CACHD1: variants seen among roughly 807,000 people sequenced by gnomAD.
The protein encoded by CACHD1 is VWFA and cache domain-containing protein 1.
CACHD1 carries 71 observed loss-of-function variants against 138.7 expected under a neutral mutation model. That is an observed-to-expected ratio of 0.51 (90% confidence interval 0.42 to 0.62). The LOEUF is 0.62. CACHD1 is among the 20% of genes least tolerant of loss of function. The pLI, the probability that CACHD1 is intolerant of heterozygous loss-of-function variation, is 0.00. For synonymous variants in CACHD1, 578 were observed against 591.5 expected (o/e 0.98, Z 0.33); for missense variants, 1,389 against 1,625.3 (o/e 0.85, Z 2.50).
chr1:64,592,594 T>C (rs1570398172), intron 3 of CACHD1, among the ~76,000 whole-genome samples: 1 of 152,182 alleles, frequency 6.6e-6, no homozygotes, highest in Non-Finnish European at 1.5e-5. Flanking sequence ...AGTGTCCATA[T>C]AGCAATTGAG....
intron 16 of CACHD1, among the ~76,000 whole-genome samples, chr1:64,670,348 A>G (rs1649773674): frequency 6.6e-6 from 1 of 152,180 alleles, no homozygotes; most frequent in African/African-American, 2.4e-5. Flanking sequence ...TAATTTCCCC[A>G]AGCTTTAGTT....
At chr1:64,482,414 C>T (rs533566369) in intron 1 of CACHD1, among the ~76,000 whole-genome samples, 6 of 152,316 alleles carry the variant, frequency 3.9e-5, no homozygotes, top group Non-Finnish European at 8.8e-5. Context: ...CATAACTTTG[C>T]TTGGTGGTGC....
chr1:64,632,748 C>G lies in CACHD1; in HGVS notation c.789+5C>G. ...GCCATCGATGAACATGACAAGGTGA[C>G]CATGACCCTTGTGACCCCTATGGCA... On this transcript the variant is annotated splice_donor_5th_base_variant and intron_variant, in intron 6 of 26. Coordinates refer to ENST00000651257, the MANE Select transcript of CACHD1 (RefSeq NM_020925.4). 2 of 1,614,018 alleles carry G rather than the reference C, an allele frequency of 1.2e-6. No homozygotes were observed. Among genetic ancestry groups the G allele is most frequent in the Non-Finnish European group, 1.7e-6 (2 of 1,179,948 alleles).
rs72673394 is a variant in CACHD1 at position 64,691,437 on chromosome 1, C to G, written c.3701C>G (p.Pro1234Arg). 4,839 of 1,614,058 alleles carry G rather than the reference C, an allele frequency of 3.0e-3. 10 individuals are homozygous for G. Among genetic ancestry groups the G allele is most frequent in the Non-Finnish European group, 3.6e-3 (4,298 of 1,180,014 alleles). ...NHDEDLDLDT[P>R]PQTAALLSHK... ...GATGAGGACTTAGACCTGGATACCCCCCCTCAGACTGCTGCCCTACTAAGT... is the reference window on the plus strand; with the variant it reads ...GATGAGGACTTAGACCTGGATACCCGCCCTCAGACTGCTGCCCTACTAAGT... The change falls in exon 27 of 27, where the codon CCC (proline) becomes CGC (arginine). Residue 1234 changes from proline (P) to arginine (R), a missense_variant. Pro to Arg is a moderately radical substitution (Grantham distance 103). Transcript: ENST00000651257.
chr1:64,639,411 A>T (rs1383303066), intron 7 of CACHD1, among the ~76,000 whole-genome samples: 2 of 152,234 alleles, frequency 1.3e-5, no homozygotes, highest in Non-Finnish European at 2.9e-5. Context: ...TAAGACAAGA[A>T]TATTCCTAAA....
At chr1:64,640,786 G>A (rs1648686128) in intron 7 of CACHD1, among the ~76,000 whole-genome samples, 1 of 150,256 alleles carries the variant, frequency 6.7e-6, no homozygotes, top group South Asian at 2.1e-4. Context: ...AAGAATTACA[G>A]ATTAGGAAGA....
At chr1:64,494,489 C>A (rs1165230020) in intron 1 of CACHD1, among the ~76,000 whole-genome samples, 4 of 152,212 alleles carry the variant, frequency 2.6e-5, no homozygotes, top group Non-Finnish European at 5.9e-5. Flanking sequence ...AGCTCCCCAA[C>A]AACATCCCAA....
At chr1:64,483,956 G>A (rs1015514793) in intron 1 of CACHD1, among the ~76,000 whole-genome samples, 10 of 151,028 alleles carry the variant, frequency 6.6e-5, no homozygotes, top group Non-Finnish European at 1.3e-4. Context: ...TCTTGCTTGG[G>A]AACAGCAAGA....
At chr1:64,588,282 C>T (rs868156371) in intron 3 of CACHD1, among the ~76,000 whole-genome samples, 1 of 152,132 alleles carries the variant, frequency 6.6e-6, no homozygotes, top group Non-Finnish European at 1.5e-5. Context: ...GAATATAACT[C>T]CTTTAGGCAT....
intron 16 of CACHD1, among the ~76,000 whole-genome samples, 166 bp from the exon 17 acceptor site, chr1:64,671,398 G>A (rs1649812028): frequency 6.6e-6 from 1 of 152,080 alleles, no homozygotes; most frequent in South Asian, 2.1e-4. Context: ...AAATTTCCAT[G>A]TTGTGTTAAA....
At position 64,677,888 on chromosome 1, in the gene CACHD1, T is replaced by C. The variant is rs1650048760; in HGVS notation, c.3093-271T>C. ...TTCTGTTTGGTCTTGTAAGATGATT[T>C]TGAATAGCCCCATGATGTGTGGATG... On this transcript the variant is annotated intron_variant, in intron 22 of 26. Transcript: ENST00000651257. Among the ~76,000 whole-genome samples, 3 of 152,186 alleles carry C rather than the reference T, an allele frequency of 2.0e-5. No individual in the cohort carries two copies. In the South Asian group the frequency reaches 6.2e-4, roughly 32 times the overall value.
intron 2 of CACHD1, among the ~76,000 whole-genome samples, chr1:64,566,397 A>AG: frequency 6.6e-6 from 1 of 150,434 alleles, no homozygotes; most frequent in East Asian, 2.0e-4. Context: ...TTCCCTTTCC[A>AG]GGGTCACCCA....
chr1:64,546,315 T>G (rs1430787636), intron 1 of CACHD1, among the ~76,000 whole-genome samples: 2 of 151,726 alleles, frequency 1.3e-5, no homozygotes, highest in Non-Finnish European at 2.9e-5. Context: ...CTCTTCATTT[T>G]CTTTTCTTTT....
chr1:64,531,937 T>C (rs1646590585), intron 1 of CACHD1, among the ~76,000 whole-genome samples: 1 of 152,218 alleles, frequency 6.6e-6, no homozygotes, highest in South Asian at 2.1e-4. Flanking sequence ...AGCCACTATA[T>C]ACTGTGAATT....
In CACHD1 at chr1:64,501,944, C is replaced by T. The variant is rs531240872; in HGVS notation, c.198+31002C>T. Among the ~76,000 whole-genome samples, 17 of 152,352 alleles carry T rather than the reference C, an allele frequency of 1.1e-4. 1 individual carries two copies. Among genetic ancestry groups the T allele is most frequent in the African/African-American group, 4.1e-4 (17 of 41,576 alleles). On this transcript the variant is annotated intron_variant, in intron 1 of 26. Coordinates refer to ENST00000651257, the MANE Select transcript of CACHD1 (RefSeq NM_020925.4). ...GGTAAAAGGTCTAGAACTCAGGTGT[C>T]ATTACTGAAAAGTGTTCTCTTTTTC...
chr1:64,522,581 A>G (rs1646507043), intron 1 of CACHD1, among the ~76,000 whole-genome samples: 1 of 152,140 alleles, frequency 6.6e-6, no homozygotes, highest in Non-Finnish European at 1.5e-5. Flanking sequence ...TGTTGGGATT[A>G]CAGGCATGAG....
intron 3 of CACHD1, among the ~76,000 whole-genome samples, chr1:64,587,230 A>T (rs1004380382): frequency 2.0e-5 from 3 of 152,226 alleles, no homozygotes; most frequent in African/African-American, 7.2e-5. Context: ...CAATGTTTTT[A>T]TAAGTAATTT....
At chr1:64,535,590 G>A (rs1187728328) in intron 1 of CACHD1, among the ~76,000 whole-genome samples, 2 of 152,142 alleles carry the variant, frequency 1.3e-5, no homozygotes, top group African/African-American at 4.8e-5. Context: ...CTCCCAAAGT[G>A]TTGGGATTAC....
chr1:64,478,327 GT>G (rs1399327108), intron 1 of CACHD1, among the ~76,000 whole-genome samples: 2 of 152,102 alleles, frequency 1.3e-5, no homozygotes, highest in African/African-American at 4.8e-5. Context: ...GAGGGTCCTT[GT>G]TTTTCTTAAA....
Sources: gnomAD v4.1 joint callset for allele counts (sites outside exome capture counted in the v4.1 genomes callset) on GRCh38, gnomAD v4.1.1 for gene constraint, MANE v1.5 for transcripts, NCBI Gene and HGNC (gene_info 2026-07-23, HGNC 2026-07-21) for gene names.